IARS1: variants seen among roughly 807,000 people sequenced by gnomAD.
The protein encoded by IARS1 is isoleucyl-tRNA synthetase 1.
Under a neutral mutation model 168.2 loss-of-function variants are expected in IARS1, and 124 were observed. The observed-to-expected ratio is 0.74, with a 90% CI of 0.64 to 0.86. The LOEUF (loss-of-function observed/expected upper bound fraction) is 0.86, where lower values mean the gene tolerates loss of function less well. Among genes scored for constraint, IARS1 ranks in the 40% least tolerant of loss-of-function variants. The pLI is 0.00. For missense variants in IARS1, 1,452 were observed against 1,515.8 expected, an observed-to-expected ratio of 0.96 and a Z score of 0.70; for synonymous variants, 532 against 529.4, an observed-to-expected ratio of 1.00 and a Z score of -0.07.
intron 20 of IARS1, among the ~76,000 whole-genome samples, chr9:92,254,231 T>C (rs1055080028): frequency 6.6e-6 from 1 of 152,230 alleles, no homozygotes. Context: ...AAGAGTTCCC[T>C]GAGAAACTCA....
In IARS1 at chr9:92,285,785, G is replaced by T; in HGVS notation, c.534C>A (p.Val178=). The T allele has an allele frequency of 6.2e-7, 1 of 1,613,720 alleles. No homozygotes were observed. The highest frequency in any genetic ancestry group is 1.1e-5 in the South Asian group (1 of 91,042). Reference sequence around the variant, plus strand: ...TGTTACATGCCGTAGAGAAGGGCATGACTTTCACACCTCTATAAACAAGGC... The same window carrying T: ...TGTTACATGCCGTAGAGAAGGGCATTACTTTCACACCTCTATAAACAAGGC... ...DKGLVYRGVK[V]MPFSTACNTP... The change falls in exon 6 of 34, where the codon GTC becomes GTA. Residue 178 remains valine, a synonymous_variant. Transcript: ENST00000443024.
chr9:92,265,140 T>G lies in IARS1; in HGVS notation c.1506-17A>C. The G allele has an allele frequency of 6.3e-7, 1 of 1,596,960 alleles. No individual in the cohort carries two copies. The highest frequency in any genetic ancestry group is 8.5e-7 in the Non-Finnish European group (1 of 1,170,400). ...TGGTCAACACTAACAAACAGAAAAG[T>G]AGTCATTTCTATTAACTGTAAGCAT... On this transcript the variant is annotated splice_polypyrimidine_tract_variant and intron_variant, in intron 15 of 33. Coordinates refer to ENST00000443024, the MANE Select transcript of IARS1 (RefSeq NM_002161.6).
chr9:92,260,717 C>A (rs539901808), intron 17 of IARS1, among the ~76,000 whole-genome samples: 4,657 of 152,234 alleles, frequency 0.031, 112 homozygotes, highest in South Asian at 0.079. Flanking sequence ...TTGCAAACTT[C>A]TTTTTGAATA....
intron 17 of IARS1, among the ~76,000 whole-genome samples, chr9:92,262,048 C>A (rs1456545338): frequency 6.8e-6 from 1 of 147,768 alleles, no homozygotes; most frequent in Non-Finnish European, 1.5e-5. Flanking sequence ...TAGCACCCAG[C>A]CCTCAATAAA....
intron 25 of IARS1, among the ~76,000 whole-genome samples, 158 bp from the exon 26 acceptor site, chr9:92,247,709 A>G (rs1022930517): frequency 6.6e-6 from 1 of 152,276 alleles, no homozygotes; most frequent in Admixed American, 6.5e-5. Context: ...CAGCATACAC[A>G]TGCAATAGAG....
Position 92,288,122 on chromosome 9 carries a change from A to G in IARS1, c.276+4T>C, listed in dbSNP as rs1313052987. ...AAATTATAAAGCTGGATACTCAAACATACCACAGGTAAGCCATGGCAATCC... is the reference window on the plus strand; with the variant it reads ...AAATTATAAAGCTGGATACTCAAACGTACCACAGGTAAGCCATGGCAATCC... On this transcript the variant is annotated splice_donor_region_variant and intron_variant, in intron 3 of 33. Transcript: ENST00000443024. 6.2e-6 allele frequency: 10 copies of G among 1,611,082 alleles called. No individual in the cohort carries two copies. In the Admixed American group the frequency reaches 8.5e-5, roughly 14 times the overall value.
rs1249173170 is a variant in IARS1 at position 92,249,903 on chromosome 9, TG to T, written c.2570del (p.Pro857GlnfsTer36). On this transcript the variant is annotated frameshift_variant, in exon 25 of 34. Coordinates refer to ENST00000443024, the MANE Select transcript of IARS1 (RefSeq NM_002161.6). LOFTEE classifies it high-confidence loss of function. The stretch of plus-strand genomic sequence containing the variant: ...AAGACTTGATATCTTTAAGAGCTTC[TG>T]GATCTTGATGGATAACCACAATTTC... ...LKEIVVIHQD[P>X]EALKDIKSLE... 1 of 1,606,956 alleles carries T rather than the reference TG, an allele frequency of 6.2e-7. No homozygotes were observed. Among genetic ancestry groups the T allele is most frequent in the South Asian group, 1.1e-5 (1 of 90,738 alleles).
At chr9:92,273,150 C>A (rs1394135051) in intron 10 of IARS1, among the ~76,000 whole-genome samples, 37 of 145,816 alleles carry the variant, frequency 2.5e-4, no homozygotes, top group African/African-American at 5.4e-4. Context: ...AAAAAAAAAA[C>A]CCCTACACTA....
intron 27 of IARS1, 50 bp downstream of exon 27, chr9:92,244,909 T>C: frequency 1.4e-6 from 2 of 1,442,494 alleles, no homozygotes; most frequent in Non-Finnish European, 2.0e-6. Context: ...CTTTCTCCTC[T>C]TATGCTCTCA....
rs946973172 is a variant in IARS1, at chr9:92,271,667, C to A, written c.991-12G>T. 3.7e-6 allele frequency: 6 copies of A among 1,613,664 alleles called. No homozygotes were observed. Among genetic ancestry groups the A allele is most frequent in the African/African-American group, 1.3e-5 (1 of 74,894 alleles). ...ACCCGATAGTCCTCCTGAGAAAAGG[C>A]AAAAGAGAGGGAAGAATAAAACAGT... On this transcript the variant is annotated splice_polypyrimidine_tract_variant and intron_variant, in intron 10 of 33. Coordinates refer to ENST00000443024, the MANE Select transcript of IARS1 (RefSeq NM_002161.6).
Position 92,250,671 on chromosome 9 carries a change from C to T in IARS1, c.2429+42G>A, listed in dbSNP as rs762423955. ...TCCCCACATGCTTGAGCAACTCTCC[C>T]CTCCTTGGCACAGGTGAGGCTTATT... On this transcript the variant is annotated intron_variant, in intron 23 of 33. Coordinates refer to ENST00000443024, the MANE Select transcript of IARS1 (RefSeq NM_002161.6). 16 of 1,512,444 alleles carry T rather than the reference C, an allele frequency of 1.1e-5. No individual in the cohort carries two copies. The African/African-American group carries it at 1.6e-4, about 16-fold the overall frequency. The allele number at this position is 1,512,444 out of a possible 1,614,324, so 93.7% of individuals were successfully genotyped here.
intron 33 of IARS1, 84 bp from the exon 34 acceptor site, chr9:92,210,973 T>C: frequency 1.2e-6 from 1 of 869,292 alleles, no homozygotes; most frequent in Non-Finnish European, 1.9e-6. Context: ...ACTGCTTGTG[T>C]AGTAAGGAAT....
At chr9:92,256,008 C>T (rs879299563) in intron 20 of IARS1, among the ~76,000 whole-genome samples, 3 of 151,436 alleles carry the variant, frequency 2.0e-5, no homozygotes, top group African/African-American at 4.8e-5. Flanking sequence ...ATATATACAT[C>T]TACTATGTAC....
At chr9:92,244,913 G>C (rs1346079792) in intron 27 of IARS1, 46 bp downstream of exon 27, 1 of 1,444,002 alleles carries the variant, frequency 6.9e-7, no homozygotes, top group Non-Finnish European at 9.7e-7. Flanking sequence ...CTCCTCTTAT[G>C]CTCTCATCTC....
At chr9:92,278,149 CACAT>C in intron 8 of IARS1, 46 bp downstream of exon 8, 1 of 1,183,630 alleles carries the variant, frequency 8.4e-7, no homozygotes, top group South Asian at 1.2e-5. Flanking sequence ...ACTAAAGACA[CACAT>C]ACAGACACAT....
At chr9:92,222,489 A>G in intron 33 of IARS1, 31 bp downstream of exon 33, 1 of 1,602,258 alleles carries the variant, frequency 6.2e-7, no homozygotes, top group Non-Finnish European at 8.5e-7. Flanking sequence ...TTCAACAAAA[A>G]TAAAAAACTT....
chr9:92,265,463 A>G lies in IARS1; in HGVS notation c.1505+17T>C. On this transcript the variant is annotated intron_variant, in intron 15 of 33. Transcript: ENST00000443024. ...AGAATCGTAAAACTGAAGTGAATCG[A>G]ACATTTAGAAACTGACCTCTCTCTG... 2 of 1,608,906 alleles carry G rather than the reference A, an allele frequency of 1.2e-6. No homozygotes were observed. Among genetic ancestry groups the G allele is most frequent in the Non-Finnish European group, 8.5e-7 (1 of 1,175,518 alleles).
At chr9:92,250,615 G>T in intron 23 of IARS1, 98 bp downstream of exon 23, 2 of 1,336,968 alleles carry the variant, frequency 1.5e-6, no homozygotes, top group East Asian at 2.5e-5. Flanking sequence ...GCAAGGCACA[G>T]ATGGAGCTGG....
chr9:92,230,972 C>T (rs1427762183), intron 30 of IARS1, among the ~76,000 whole-genome samples: 5 of 152,098 alleles, frequency 3.3e-5, no homozygotes, highest in Non-Finnish European at 7.4e-5. Flanking sequence ...AAGATCTTTA[C>T]GTATTCTAGA....
Sources: gnomAD v4.1 joint callset for allele counts (sites outside exome capture counted in the v4.1 genomes callset) on GRCh38, gnomAD v4.1.1 for gene constraint, MANE v1.5 for transcripts, NCBI Gene and HGNC (gene_info 2026-07-23, HGNC 2026-07-21) for gene names.